The following PCTP variants were observed in gnomAD, a reference collection of about 807,000 sequenced individuals.
PCTP encodes START domain-containing protein 2.
PCTP carries 27 observed loss-of-function variants against 31.0 expected under a neutral mutation model. The observed-to-expected ratio is 0.87, with a 90% CI of 0.64 to 1.20. The LOEUF (loss-of-function observed/expected upper bound fraction) is 1.20, where lower values mean the gene tolerates loss of function less well. Among genes scored for constraint, PCTP ranks in the 50% most tolerant of loss-of-function variants. The probability of loss-of-function intolerance (pLI) is 0.00; values close to 1 mark genes in which losing one functional copy is unlikely to be tolerated. For missense variants in PCTP, 287 were observed against 268.2 expected, an observed-to-expected ratio of 1.07 and a Z score of -0.49; for synonymous variants, 108 against 101.2, an observed-to-expected ratio of 1.07 and a Z score of -0.40.
At chr17:55,836,485 ATC>A (rs1418014268) in intron 5 of PCTP, among the ~76,000 whole-genome samples, 1 of 152,154 alleles carries the variant, frequency 6.6e-6, no homozygotes, top group East Asian at 1.9e-4. Flanking sequence ...TGCCTTATCT[ATC>A]TCTTTGAAGC....
chr17:55,797,401 G>A (rs1382193206), intron 3 of PCTP, among the ~76,000 whole-genome samples: 2 of 152,010 alleles, frequency 1.3e-5, no homozygotes, highest in Non-Finnish European at 2.9e-5. Context: ...AGAAAGCAGA[G>A]CTCATACATT....
chr17:55,821,936 G>A (rs1029846476), intron 3 of PCTP, among the ~76,000 whole-genome samples: 9 of 152,144 alleles, frequency 5.9e-5, no homozygotes, highest in African/African-American at 9.7e-5. Context: ...GCTCCCAGGC[G>A]CTGTGGATAT....
At position 55,758,668 on chromosome 17, in the gene PCTP, C is replaced by A. The variant is rs535200710; in HGVS notation, c.141+7424C>A. Among the ~76,000 whole-genome samples, 3 of 152,256 alleles carry A rather than the reference C, an allele frequency of 2.0e-5. No individual in the cohort carries two copies. In the East Asian group the frequency reaches 5.8e-4, roughly 29 times the overall value. On this transcript the variant is annotated intron_variant, in intron 1 of 5. Transcript: ENST00000268896. ...AGAGCCACCATGTCTCCAGGACACC[C>A]GTCTGTGGCATTCTACTTCCCACCA...
intron 3 of PCTP, among the ~76,000 whole-genome samples, chr17:55,804,061 G>T (rs1912491196): frequency 6.6e-6 from 1 of 152,106 alleles, no homozygotes; most frequent in Non-Finnish European, 1.5e-5. Context: ...TATATGAACA[G>T]ACACTTCTCA....
In PCTP at chr17:55,773,723, G is replaced by T; in HGVS notation, c.340-1G>T. ...GTGTCTTGCCTTAACTGGCTATGCA[G>T]TATGTCTACCTTCGGCAGCGGCGAG... On this transcript the variant is annotated splice_acceptor_variant, in intron 3 of 5. Transcript: ENST00000268896. LOFTEE classifies it high-confidence loss of function. 6.2e-7 allele frequency: 1 copy of T among 1,609,492 alleles called. No homozygotes were observed. Among genetic ancestry groups the T allele is most frequent in the Non-Finnish European group, 8.5e-7 (1 of 1,176,540 alleles).
intron 5 of PCTP, among the ~76,000 whole-genome samples, chr17:55,838,285 T>G (rs1319359152): frequency 6.6e-6 from 1 of 152,226 alleles, no homozygotes; most frequent in Non-Finnish European, 1.5e-5. Flanking sequence ...CAATAACCAC[T>G]CTCAGCCGCA....
At chr17:55,831,000 C>T (rs970974024) in intron 5 of PCTP, among the ~76,000 whole-genome samples, 2 of 152,222 alleles carry the variant, frequency 1.3e-5, no homozygotes, top group African/African-American at 2.4e-5. Flanking sequence ...CAGCTGTCGG[C>T]GCCTTCTCTT....
chr17:55,826,452 G>A (rs1370517332), downstream of PCTP, among the ~76,000 whole-genome samples: 1 of 144,342 alleles, frequency 6.9e-6, no homozygotes, highest in African/African-American at 2.6e-5. Flanking sequence ...CATCTCCGAA[G>A]GATTAAAAAG....
intron 1 of PCTP, among the ~76,000 whole-genome samples, chr17:55,762,713 A>G (rs923929846): frequency 6.6e-5 from 10 of 152,076 alleles, no homozygotes; most frequent in African/African-American, 2.4e-4. Flanking sequence ...TCTCATGTTG[A>G]TTGCCTCTTG....
At chr17:55,820,634 T>C (rs1913084874) in intron 3 of PCTP, among the ~76,000 whole-genome samples, 1 of 152,198 alleles carries the variant, frequency 6.6e-6, no homozygotes, top group African/African-American at 2.4e-5. Context: ...AGGAAACACA[T>C]TCAGGCTACA....
At chr17:55,821,588 A>G (rs1913119517) in intron 3 of PCTP, among the ~76,000 whole-genome samples, 1 of 152,240 alleles carries the variant, frequency 6.6e-6, no homozygotes, top group Non-Finnish European at 1.5e-5. Flanking sequence ...AGCACTTTCT[A>G]AATGCTAGGT....
chr17:55,771,011 G>A lies in PCTP; in HGVS notation c.260-95G>A, dbSNP rs1597984848. On this transcript the variant is annotated intron_variant, in intron 2 of 5. Transcript: ENST00000268896. ...GCCTCAAAAAGTGCTGGGATTACAG[G>A]CATGAGCCACCATGCTTGGCCTAAG... is the stretch of plus-strand genomic sequence containing the variant. 4 of 905,376 alleles carry A rather than the reference G, an allele frequency of 4.4e-6. No homozygotes were observed. In the East Asian group the frequency reaches 9.8e-5, roughly 22 times the overall value. 56.1% of individuals were successfully genotyped at this position (905,376 alleles called of 1,614,324 possible).
At chr17:55,759,198 G>A (rs945314217) in intron 1 of PCTP, among the ~76,000 whole-genome samples, 1 of 152,174 alleles carries the variant, frequency 6.6e-6, no homozygotes, top group African/African-American at 2.4e-5. Context: ...CAGTTTTCCT[G>A]TTTGAAAAGT....
chr17:55,779,946 A>G (rs544702288), downstream of PCTP, among the ~76,000 whole-genome samples: 21 of 152,338 alleles, frequency 1.4e-4, 1 homozygote, highest in South Asian at 4.1e-3. Context: ...ACCCTCCCAC[A>G]CATCTGCATC....
chr17:55,826,404 C>T (rs1905398714), downstream of PCTP, among the ~76,000 whole-genome samples: 3 of 151,958 alleles, frequency 2.0e-5, no homozygotes, highest in Admixed American at 2.0e-4. Context: ...TCATCCCCTT[C>T]CCTCATCTGA....
At chr17:55,763,614 A>G (rs1910463546) in intron 1 of PCTP, among the ~76,000 whole-genome samples, 1 of 152,102 alleles carries the variant, frequency 6.6e-6, no homozygotes, top group African/African-American at 2.4e-5. Context: ...AATACAAACT[A>G]TTTATACCAT....
chr17:55,777,080 A>T lies in PCTP; in HGVS notation c.*980A>T. On this transcript the variant is annotated 3_prime_UTR_variant, in exon 6 of 6. Transcript: ENST00000268896. The stretch of plus-strand genomic sequence containing the variant: ...CTTAATGACTCTGCACCTTTTTCTC[A>T]GGAATTCTGCCTAAGTTGTCTGCCT... The T allele has an allele frequency of 1.0e-6, 1 of 985,882 alleles. No homozygotes were observed. 61.1% of individuals were successfully genotyped at this position (985,882 alleles called of 1,614,324 possible).
chr17:55,792,863 G>A (rs1237495619), intron 3 of PCTP, among the ~76,000 whole-genome samples: 1 of 152,090 alleles, frequency 6.6e-6, no homozygotes, highest in South Asian at 2.1e-4. Flanking sequence ...AAGCAATAGA[G>A]ATGGATGCTC....
At chr17:55,803,790 A>G (rs1250978544) in intron 3 of PCTP, among the ~76,000 whole-genome samples, 2 of 152,168 alleles carry the variant, frequency 1.3e-5, no homozygotes, top group East Asian at 1.9e-4. Context: ...CATTCAGGAC[A>G]TAGGCATGGG....
Sources: gnomAD v4.1 joint callset for allele counts (sites outside exome capture counted in the v4.1 genomes callset) on GRCh38, gnomAD v4.1.1 for gene constraint, MANE v1.5 for transcripts, NCBI Gene and HGNC (gene_info 2026-07-23, HGNC 2026-07-21) for gene names.